The following CCT2 variants were observed in gnomAD, a reference collection of about 807,000 sequenced individuals.
CCT2 encodes chaperonin containing TCP1 subunit 2, also known as T-complex protein 1 subunit beta.
Under a neutral mutation model 61.8 loss-of-function variants are expected in CCT2, and 18 were observed. The observed-to-expected ratio is 0.29, with a 90% CI of 0.20 to 0.43. CCT2 has a LOEUF of 0.43. Ranked by LOEUF, CCT2 falls within the 20% of genes least tolerant of loss-of-function variation. CCT2 has a pLI of 1.00. For missense variants in CCT2, 556 were observed against 656.9 expected (o/e 0.85, Z 1.68); for synonymous variants, 248 against 215.9 (o/e 1.15, Z -1.30).
intron 6 of CCT2, 46 bp downstream of exon 6, chr12:69,588,308 C>T (rs1391626464): frequency 7.5e-7 from 1 of 1,336,394 alleles, no homozygotes; most frequent in Non-Finnish European, 1.1e-6. Flanking sequence ...AGTGTTCTTT[C>T]ATAACATGCT....
chr12:69,585,809 A>T (rs1166495381), intron 1 of CCT2: 2 of 1,358,094 alleles, frequency 1.5e-6, no homozygotes. Context: ...AGAAATTTCT[A>T]GTGTGGGACC....
At chr12:69,588,968 G>T (rs114159875) in intron 6 of CCT2, among the ~76,000 whole-genome samples, 2,287 of 152,274 alleles carry the variant, frequency 0.015, 66 homozygotes, top group African/African-American at 0.051. Flanking sequence ...TCTTAGAGTT[G>T]CCCAGAATGG....
At chr12:69,593,444 T>G (rs1351587252) in intron 9 of CCT2, 66 bp from the exon 10 acceptor site, 5 of 1,024,148 alleles carry the variant, frequency 4.9e-6, no homozygotes, top group Non-Finnish European at 7.3e-6. Flanking sequence ...TTACATGTTT[T>G]TTAGTCTAAT....
At position 69,593,555 on chromosome 12, in the gene CCT2, T is replaced by C. The variant is rs780068270; in HGVS notation, c.924T>C (p.Gly308=). The C allele has an allele frequency of 5.6e-6, 9 of 1,613,678 alleles. No homozygotes were observed. The East Asian group carries it at 1.6e-4, about 28-fold the overall frequency. The change falls in exon 10 of 16, where the codon GGT becomes GGC. Residue 308 remains glycine, a synonymous_variant. Transcript: ENST00000299300. The part of the protein sequence containing the change: ...NYPEQLFGAA[G]VMAIEHADFA... Reference sequence around the variant, plus strand: ...CTGAACAGCTCTTTGGTGCTGCTGGTGTCATGGCTATTGAGCATGCAGATT... The same window carrying C: ...CTGAACAGCTCTTTGGTGCTGCTGGCGTCATGGCTATTGAGCATGCAGATT...
intron 10 of CCT2, among the ~76,000 whole-genome samples, chr12:69,595,427 G>A (rs1255731615): frequency 6.6e-6 from 1 of 152,136 alleles, no homozygotes; most frequent in African/African-American, 2.4e-5. Flanking sequence ...GGTGGCTCAC[G>A]CCTTTAATCC....
chr12:69,593,226 G>A, intron 9 of CCT2, 123 bp downstream of exon 9: 1 of 865,280 alleles, frequency 1.2e-6, no homozygotes, highest in Non-Finnish European at 1.7e-6. Context: ...CTTAAATTAT[G>A]GATTTTTGTA....
Position 69,599,857 on chromosome 12 carries a change from T to A in CCT2, c.1436-6T>A. The A allele has an allele frequency of 6.3e-7, 1 of 1,599,806 alleles. No individual in the cohort carries two copies. Among genetic ancestry groups the A allele is most frequent in the Non-Finnish European group, 8.5e-7 (1 of 1,175,014 alleles). ...TGCTTTTTAGTAAATTTGTTTTTCT[T>A]TGCAGATATGAGGGAAGGCACCATT... is the stretch of plus-strand genomic sequence containing the variant. On this transcript the variant is annotated splice_region_variant and splice_polypyrimidine_tract_variant and intron_variant, in intron 14 of 15. Transcript: ENST00000299300.
intron 6 of CCT2, chr12:69,588,528 C>T: frequency 3.6e-6 from 1 of 281,506 alleles, no homozygotes; most frequent in Non-Finnish European, 6.6e-6. Context: ...CTCTTTTTAA[C>T]CTAGTTAAAT....
intron 6 of CCT2, 136 bp from the exon 7 acceptor site, chr12:69,589,349 C>T: frequency 1.6e-6 from 1 of 638,452 alleles, no homozygotes; most frequent in Admixed American, 3.0e-5. Flanking sequence ...TTCTTGATTA[C>T]TGCTGAGGTT....
chr12:69,599,818 A>T, intron 14 of CCT2, 45 bp from the exon 15 acceptor site: 1 of 1,514,554 alleles, frequency 6.6e-7, no homozygotes. Flanking sequence ...ATGTTTTGAT[A>T]CTTTAGTTAA....
chr12:69,591,771 C>A (rs1206824829), intron 7 of CCT2, among the ~76,000 whole-genome samples: 1 of 152,160 alleles, frequency 6.6e-6, no homozygotes, highest in Non-Finnish European at 1.5e-5. Context: ...TTCCTAGTTT[C>A]TGTTTCTGGT....
chr12:69,595,687 T>TG (rs1881966286), intron 10 of CCT2, among the ~76,000 whole-genome samples: 1 of 40,976 alleles, frequency 2.4e-5, no homozygotes. Context: ...AGACTCCGTC[T>TG]CAAAAAAAAA....
Position 69,589,622 on chromosome 12 carries a change from A to G in CCT2, c.584A>G (p.Asn195Ser). ...EAVLRLKGSG[N>S]LEAIHIIKKL... ...GTTCTCAGACTGAAAGGCTCTGGCAACCTGGAGGCAATTCATATTATCAAG... is the reference window on the plus strand; with the variant it reads ...GTTCTCAGACTGAAAGGCTCTGGCAGCCTGGAGGCAATTCATATTATCAAG... The change falls in exon 7 of 16, where the codon AAC (asparagine) becomes AGC (serine). Residue 195 changes from asparagine (N) to serine (S), a missense_variant. Asn to Ser is a conservative substitution (Grantham distance 46). Around this residue, in one of 3 missense-constraint regions of CCT2, gnomAD observed 308 missense variants for 350.6 expected, o/e 0.88. Coordinates refer to ENST00000299300, the MANE Select transcript of CCT2 (RefSeq NM_006431.3). 1.2e-6 allele frequency: 2 copies of G among 1,614,088 alleles called. No homozygotes were observed. The highest frequency in any genetic ancestry group is 1.7e-6 in the Non-Finnish European group (2 of 1,180,026).
rs768657611 is a variant in CCT2, at chr12:69,599,972, G to A, written c.1545G>A (p.Leu515=). 2 of 1,613,472 alleles carry A rather than the reference G, an allele frequency of 1.2e-6. No individual in the cohort carries two copies. Among genetic ancestry groups the A allele is most frequent in the Non-Finnish European group, 1.7e-6 (2 of 1,179,636 alleles). ...LSAAEAAEVI[L]RVDNIIKAAP... is the part of the protein sequence containing the mutation. The stretch of plus-strand genomic sequence containing the variant: ...CAGCTGAAGCAGCAGAGGTGATTCT[G>A]CGTGTGGACAACATCATCAAAGCGG... The change falls in exon 15 of 16, where the codon CTG becomes CTA. Residue 515 remains leucine (L), a synonymous_variant. Transcript: ENST00000299300.
In CCT2 at chr12:69,589,613, G is replaced by C; in HGVS notation, c.575G>C (p.Gly192Ala). The C allele has an allele frequency of 6.2e-7, 1 of 1,614,068 alleles. No homozygotes were observed. Residue 192 changes from glycine to alanine, a missense_variant, in exon 7 of 16, where the codon GGC (glycine) becomes GCC (alanine). This residue lies in a region of CCT2 where 308 missense variants were observed against 350.6 expected (regional missense o/e 0.88). Transcript: ENST00000299300. Reference sequence around the variant, plus strand: ...GTAGAAGCAGTTCTCAGACTGAAAGGCTCTGGCAACCTGGAGGCAATTCAT... The same window carrying C: ...GTAGAAGCAGTTCTCAGACTGAAAGCCTCTGGCAACCTGGAGGCAATTCAT... Reference protein sequence around the residue: ...LAVEAVLRLKGSGNLEAIHII... With the variant: ...LAVEAVLRLKASGNLEAIHII...
At chr12:69,598,160 C>T in intron 13 of CCT2, 89 bp downstream of exon 13, 3 of 1,061,152 alleles carry the variant, frequency 2.8e-6, no homozygotes, top group South Asian at 1.5e-5. Flanking sequence ...GTTAATACTG[C>T]TTTTAAATTT....
At position 69,598,282 on chromosome 12, in the gene CCT2, C is replaced by T. The variant is rs778253290; in HGVS notation, c.1336-40C>T. 4.4e-6 allele frequency: 6 copies of T among 1,377,724 alleles called. No homozygotes were observed. The African/African-American group carries it at 8.7e-5, about 20-fold the overall frequency. 85.3% of individuals were successfully genotyped at this position (1,377,724 alleles called of 1,614,324 possible). A position where few individuals can be genotyped will look rare whatever the true frequency, so the allele number is the denominator to read the frequency against. On this transcript the variant is annotated intron_variant, in intron 13 of 15. Coordinates refer to ENST00000299300, the MANE Select transcript of CCT2 (RefSeq NM_006431.3). ...GTTAGGAGTAAATCAGTGGTTCTTACAGTAGAGTGAGTAGTTACTTGTTTT... is the reference window on the plus strand; with the variant it reads ...GTTAGGAGTAAATCAGTGGTTCTTATAGTAGAGTGAGTAGTTACTTGTTTT...
chr12:69,600,929 T>G (rs1053326859), intron 15 of CCT2, among the ~76,000 whole-genome samples: 1 of 152,224 alleles, frequency 6.6e-6, no homozygotes, highest in Non-Finnish European at 1.5e-5. Flanking sequence ...GTGCTTCTTG[T>G]TGGTGGGGGT....
intron 14 of CCT2, 51 bp downstream of exon 14, chr12:69,598,472 A>C (rs754603491): frequency 1.6e-5 from 19 of 1,156,270 alleles, no homozygotes; most frequent in Non-Finnish European, 1.9e-5. Flanking sequence ...AACTCTTTTC[A>C]CTAAGCTTTT....
Sources: allele counts gnomAD v4.1 joint callset (sites outside exome capture counted in the v4.1 genomes callset), GRCh38; gene constraint gnomAD v4.1.1; regional missense constraint gnomAD v4.1.1; transcripts MANE v1.5; gene names NCBI Gene and HGNC (gene_info 2026-07-23, HGNC 2026-07-21).